The following TMEM176B variants were observed in gnomAD, a reference collection of about 807,000 sequenced individuals.
TMEM176B encodes transmembrane protein 176B.
Under a neutral mutation model 30.3 loss-of-function variants are expected in TMEM176B, and 28 were observed. That is an observed-to-expected ratio of 0.92 (90% CI 0.68 to 1.27). The LOEUF (loss-of-function observed/expected upper bound fraction) is 1.27. Among genes scored for constraint, TMEM176B ranks in the 50% most tolerant of loss-of-function variants. The probability of loss-of-function intolerance (pLI) is 0.00; values close to 1 mark genes in which losing one functional copy is unlikely to be tolerated. For missense variants in TMEM176B, 349 were observed against 327.4 expected (o/e 1.07, Z -0.51); for synonymous variants, 123 against 130.3 (o/e 0.94, Z 0.38).
At chr7:150,793,348 C>G in intron 4 of TMEM176B, 33 bp from the exon 5 acceptor site, 1 of 1,593,428 alleles carries the variant, frequency 6.3e-7, no homozygotes, top group East Asian at 2.3e-5. Flanking sequence ...ACACACGCTC[C>G]TTCAATCGGT....
In TMEM176B at chr7:150,793,301, G is replaced by GGA; in HGVS notation, c.386_387insTC (p.Leu130ProfsTer19). ...TAGCAAAGCCTGCCAGGGTGAGCAG[G>GGA]CTGGATATATAGCCCTGGAAGAGAA... On this transcript the variant is annotated frameshift_variant, in exon 5 of 7. Coordinates refer to ENST00000326442, the MANE Select transcript of TMEM176B (RefSeq NM_001101312.2). LOFTEE classifies it high-confidence loss of function. 6.2e-7 allele frequency: 1 copy of GGA among 1,614,076 alleles called. No individual in the cohort carries two copies. The highest frequency in any genetic ancestry group is 8.5e-7 in the Non-Finnish European group (1 of 1,180,004).
At chr7:150,796,616 G>A (rs1798539110) in intron 1 of TMEM176B, 42 bp from the exon 2 acceptor site, 5 of 1,596,478 alleles carry the variant, frequency 3.1e-6, no homozygotes, top group Middle Eastern at 2.1e-4. Context: ...CTGGGAACTA[G>A]GCGAGGGAAA....
Position 150,796,480 on chromosome 7 carries a change from C to T in TMEM176B, c.90G>A (p.Glu30=). The change falls in exon 2 of 7, where the codon GAG becomes GAA. Residue 30 remains glutamate (E), a synonymous_variant. Coordinates refer to ENST00000326442, the MANE Select transcript of TMEM176B (RefSeq NM_001101312.2). ...CTTTCAGCAGTTGTGTCAAAGCTGA[C>T]TCCTGGTGGATGTGGACGTTGACGT... is the stretch of plus-strand genomic sequence containing the variant. ...PTHVNVHIHQ[E]SALTQLLKAG... is the part of the protein sequence containing the mutation. 6.2e-7 allele frequency: 1 copy of T among 1,614,212 alleles called. No individual in the cohort carries two copies. The highest frequency in any genetic ancestry group is 1.7e-5 in the Admixed American group (1 of 60,018).
chr7:150,793,648 G>A (rs749999002), intron 3 of TMEM176B, 48 bp from the exon 4 acceptor site: 1 of 1,594,174 alleles, frequency 6.3e-7, no homozygotes, highest in South Asian at 1.1e-5. Flanking sequence ...CTTCTGAATT[G>A]GTCTATCATC....
chr7:150,792,567 G>A (rs1798356354), intron 5 of TMEM176B, among the ~76,000 whole-genome samples: 1 of 152,172 alleles, frequency 6.6e-6, no homozygotes, highest in Admixed American at 6.5e-5. Flanking sequence ...AAGCCAAGTG[G>A]AGAAGCCATT....
chr7:150,797,356 CAG>C (rs1208287296), intron 1 of TMEM176B, among the ~76,000 whole-genome samples: 1 of 152,150 alleles, frequency 6.6e-6, no homozygotes, highest in Non-Finnish European at 1.5e-5. Context: ...ACCTAAATAA[CAG>C]AGAGAGGCTC....
At chr7:150,794,237 T>A (rs1293067577) in intron 2 of TMEM176B, among the ~76,000 whole-genome samples, 166 bp from the exon 3 acceptor site, 1 of 152,168 alleles carries the variant, frequency 6.6e-6, no homozygotes, top group Admixed American at 6.5e-5. Flanking sequence ...TTAAAATCCA[T>A]GAAGCAGCAC....
At chr7:150,799,660 G>C (rs548835524) in intron 1 of TMEM176B, among the ~76,000 whole-genome samples, 1 of 152,220 alleles carries the variant, frequency 6.6e-6, no homozygotes. Context: ...TTCCGCACAC[G>C]TACAAAGGAG....
rs1798371128 is a variant in TMEM176B, at chr7:150,792,970, A to G, written c.600+118T>C. The G allele has an allele frequency of 5.5e-6, 5 of 908,324 alleles. No homozygotes were observed. In the African/African-American group the frequency reaches 8.3e-5, roughly 15 times the overall value. 56.3% of individuals were successfully genotyped at this position (908,324 alleles called of 1,614,324 possible). A position where few individuals can be genotyped will look rare whatever the true frequency, so the allele number is the denominator to read the frequency against. ...AGCTTACATTAAAACCTCCTGAATG[A>G]AAGACCCAGCATGAAGTCCAAGCTC... On this transcript the variant is annotated intron_variant, in intron 5 of 6. Coordinates refer to ENST00000326442, the MANE Select transcript of TMEM176B (RefSeq NM_001101312.2).
chr7:150,798,274 T>A (rs1240429373), intron 1 of TMEM176B, among the ~76,000 whole-genome samples: 1 of 152,198 alleles, frequency 6.6e-6, no homozygotes, highest in African/African-American at 2.4e-5. Context: ...TTCATTTTTT[T>A]ATTATGTATT....
intron 3 of TMEM176B, 59 bp from the exon 4 acceptor site, chr7:150,793,659 A>C (rs1585273842): frequency 6.4e-7 from 1 of 1,565,418 alleles, no homozygotes; most frequent in South Asian, 1.1e-5. Flanking sequence ...GTCTATCATC[A>C]CCCTCCCACC....
At chr7:150,799,651 T>A (rs1243334035) in intron 1 of TMEM176B, among the ~76,000 whole-genome samples, 1 of 152,234 alleles carries the variant, frequency 6.6e-6, no homozygotes, top group Non-Finnish European at 1.5e-5. Context: ...GTTAGACAAT[T>A]CCGCACACGT....
intron 5 of TMEM176B, 66 bp from the exon 6 acceptor site, chr7:150,792,241 C>A: frequency 1.3e-6 from 2 of 1,589,514 alleles, no homozygotes; most frequent in Non-Finnish European, 8.6e-7. Context: ...ACATCACCAC[C>A]CTCTCCACCC....
chr7:150,801,080 G>T, upstream of TMEM176B: 1 of 805,468 alleles, frequency 1.2e-6, no homozygotes, highest in Non-Finnish European at 1.5e-6. Context: ...GGAGGTCGGC[G>T]GTGGCGGGGA....
chr7:150,795,521 C>T (rs1418934022), intron 2 of TMEM176B, among the ~76,000 whole-genome samples: 15 of 152,322 alleles, frequency 9.8e-5, no homozygotes, highest in East Asian at 1.9e-4. Flanking sequence ...ATTAGTGTAG[C>T]TGCTGTTCCT....
chr7:150,795,474 T>C (rs1563035259), intron 2 of TMEM176B, among the ~76,000 whole-genome samples: 1 of 152,202 alleles, frequency 6.6e-6, no homozygotes, highest in Non-Finnish European at 1.5e-5. Context: ...ATGTCAGATG[T>C]GCTTCTCCCT....
rs1019228593 is a variant in TMEM176B at position 150,793,749 on chromosome 7, C to A, written c.316-149G>T. ...TCTGACACACAGACCAGGATTCCAC[C>A]TATACCTGCCCCACCCCTCCCATCT... On this transcript the variant is annotated intron_variant, in intron 3 of 6. Transcript: ENST00000326442. The A allele has an allele frequency of 2.3e-5, 21 of 928,802 alleles. No homozygotes were observed. In the African/African-American group the frequency reaches 2.6e-4, roughly 12 times the overall value. The allele number at this position is 928,802 out of a possible 1,614,324, so 57.5% of individuals were successfully genotyped here.
Position 150,796,553 on chromosome 7 carries a change from A to T in TMEM176B, c.17T>A (p.Val6Glu). 1 of 1,614,008 alleles carries T rather than the reference A, an allele frequency of 6.2e-7. No individual in the cohort carries two copies. The highest frequency in any genetic ancestry group is 8.5e-7 in the Non-Finnish European group (1 of 1,180,040). Residue 6 changes from valine to glutamate, a missense_variant, in exon 2 of 7, where the codon GTG becomes GAG. By Grantham distance (121) the Val-to-Glu change is moderately radical. Transcript: ENST00000326442. The part of the protein sequence containing the change: MTQNT[V>E]IVNGVAMASR... The stretch of plus-strand genomic sequence containing the variant: ...GGCCATAGCAACTCCATTCACAATC[A>T]CCGTGTTTTGCGTCATCCTGCCTGC...
Position 150,792,114 on chromosome 7 carries a change from G to A in TMEM176B, c.662C>T (p.Ser221Phe). The A allele has an allele frequency of 6.2e-7, 1 of 1,613,964 alleles. No homozygotes were observed. Among genetic ancestry groups the A allele is most frequent in the Non-Finnish European group, 8.5e-7 (1 of 1,179,974 alleles). ...LAVCVLKVIV[S>F]LVSLGVGLRN... Reference sequence around the variant, plus strand: ...AAGACCTACTCCCAAGGAAACCAAGGACACAATGACCTTCAAGACACAGAC... The same window carrying A: ...AAGACCTACTCCCAAGGAAACCAAGAACACAATGACCTTCAAGACACAGAC... Residue 221 changes from serine (S) to phenylalanine (F), a missense_variant, in exon 6 of 7, where the codon TCC (serine) becomes TTC (phenylalanine). Transcript: ENST00000326442.
Sources: allele counts gnomAD v4.1 joint callset (sites outside exome capture counted in the v4.1 genomes callset), GRCh38; gene constraint gnomAD v4.1.1; transcripts MANE v1.5; gene names NCBI Gene and HGNC (gene_info 2026-07-23, HGNC 2026-07-21).